ADAMTSL1: variants seen among roughly 807,000 people sequenced by gnomAD.
ADAMTSL1 encodes the protein ADAMTS-like protein 1.
A neutral mutation model predicts 201.8 loss-of-function variants in ADAMTSL1; 126 were observed. The ratio of observed to expected loss-of-function variants is 0.62; its 90% CI spans 0.54 to 0.72. The LOEUF (loss-of-function observed/expected upper bound fraction) is 0.72. ADAMTSL1 is among the 30% of genes least tolerant of loss of function. The probability of loss-of-function intolerance (pLI) is 0.00; values close to 1 mark genes in which losing one functional copy is unlikely to be tolerated. For missense variants in ADAMTSL1, 2,679 were observed against 2,277.8 expected, an observed-to-expected ratio of 1.18 and a Z score of -3.59; for synonymous variants, 1,121 against 903.4, an observed-to-expected ratio of 1.24 and a Z score of -4.32.
intron 2 of ADAMTSL1, among the ~76,000 whole-genome samples, chr9:18,443,406 G>T (rs1396756740): frequency 6.6e-6 from 1 of 152,168 alleles, no homozygotes; most frequent in East Asian, 1.9e-4. Flanking sequence ...AAATGTTAAA[G>T]AATTATCTGC....
intron 2 of ADAMTSL1, among the ~76,000 whole-genome samples, chr9:18,323,283 A>G (rs1210885101): frequency 6.6e-6 from 1 of 152,226 alleles, no homozygotes; most frequent in Non-Finnish European, 1.5e-5. Context: ...TTAACAAAAA[A>G]ACTATAGAAT....
At chr9:18,387,551 C>T (rs1248639087) in intron 2 of ADAMTSL1, among the ~76,000 whole-genome samples, 1 of 152,104 alleles carries the variant, frequency 6.6e-6, no homozygotes, top group Non-Finnish European at 1.5e-5. Context: ...AAAATTATTT[C>T]ACTTAGTATA....
chr9:18,136,185 A>C (rs1426639828), intron 1 of ADAMTSL1, among the ~76,000 whole-genome samples: 1 of 152,194 alleles, frequency 6.6e-6, no homozygotes, highest in African/African-American at 2.4e-5. Context: ...GCACATCAGA[A>C]TCATTTGGGA....
At chr9:18,115,454 C>T (rs562548729) in intron 1 of ADAMTSL1, among the ~76,000 whole-genome samples, 6 of 152,032 alleles carry the variant, frequency 3.9e-5, no homozygotes, top group Non-Finnish European at 5.9e-5. Flanking sequence ...AAATATTTAA[C>T]GGCTGCCAGC....
At chr9:17,978,195 G>A (rs1017180202) in intron 1 of ADAMTSL1, among the ~76,000 whole-genome samples, 2 of 151,928 alleles carry the variant, frequency 1.3e-5, no homozygotes, top group Non-Finnish European at 2.9e-5. Flanking sequence ...TGTCCTTAAA[G>A]CCGAAGTGAG....
intron 23 of ADAMTSL1, among the ~76,000 whole-genome samples, chr9:18,835,061 T>C (rs1207738215): frequency 6.6e-6 from 1 of 152,138 alleles, no homozygotes; most frequent in Non-Finnish European, 1.5e-5. Context: ...TCCAAAGTAG[T>C]TGTACTACTT....
At chr9:18,408,778 T>C (rs1404318222) in intron 2 of ADAMTSL1, among the ~76,000 whole-genome samples, 1 of 152,186 alleles carries the variant, frequency 6.6e-6, no homozygotes, top group Admixed American at 6.5e-5. Context: ...CAGGCATTTA[T>C]TGGACATAAA....
intron 26 of ADAMTSL1, among the ~76,000 whole-genome samples, chr9:18,895,433 TC>T (rs33933568): frequency 1.5e-4 from 11 of 73,154 alleles, no homozygotes; most frequent in African/African-American, 5.4e-4. Flanking sequence ...CCCCACCCCC[TC>T]CCCCCAATGT....
At chr9:18,129,595 T>A (rs1825867388) in intron 1 of ADAMTSL1, among the ~76,000 whole-genome samples, 1 of 152,162 alleles carries the variant, frequency 6.6e-6, no homozygotes. Context: ...CAATAAGACA[T>A]AAGAAGAGAT....
intron 5 of ADAMTSL1, among the ~76,000 whole-genome samples, chr9:18,629,560 A>G (rs1322396920): frequency 6.6e-6 from 1 of 152,162 alleles, no homozygotes; most frequent in Admixed American, 6.5e-5. Flanking sequence ...TGGTTTTTAA[A>G]TAACCAACTC....
chr9:18,697,176 C>A (rs940556678), intron 13 of ADAMTSL1, among the ~76,000 whole-genome samples: 1 of 152,090 alleles, frequency 6.6e-6, no homozygotes. Context: ...GCCACCGTGC[C>A]TGGCCAAAAA....
chr9:18,282,485 C>T (rs990628928), intron 2 of ADAMTSL1, among the ~76,000 whole-genome samples: 1 of 152,182 alleles, frequency 6.6e-6, no homozygotes, highest in Admixed American at 6.5e-5. Context: ...TTATATGACT[C>T]ATTTCTATTT....
intron 1 of ADAMTSL1, among the ~76,000 whole-genome samples, chr9:17,965,297 A>G (rs1817940237): frequency 1.3e-5 from 2 of 152,200 alleles, no homozygotes; most frequent in Admixed American, 6.5e-5. Context: ...TTACAAAAGA[A>G]GAAGAAATAT....
intron 1 of ADAMTSL1, among the ~76,000 whole-genome samples, chr9:17,981,015 T>A (rs1346693007): frequency 3.3e-5 from 5 of 152,130 alleles, no homozygotes. Flanking sequence ...ACTCACTCAT[T>A]GCCACGAGGA....
intron 20 of ADAMTSL1, among the ~76,000 whole-genome samples, chr9:18,803,542 G>T (rs1431069708): frequency 6.6e-6 from 1 of 152,140 alleles, no homozygotes; most frequent in Non-Finnish European, 1.5e-5. Flanking sequence ...ATCTTGGAAG[G>T]TCATTATTCC....
At chr9:18,131,154 C>G (rs376051196) in intron 1 of ADAMTSL1, among the ~76,000 whole-genome samples, 36 of 152,112 alleles carry the variant, frequency 2.4e-4, no homozygotes, top group Non-Finnish European at 5.1e-4. Context: ...TACCTAAAAA[C>G]TAAGTCTTGG....
At chr9:18,672,707 A>G (rs148400064) in intron 9 of ADAMTSL1, among the ~76,000 whole-genome samples, 212 of 152,354 alleles carry the variant, frequency 1.4e-3, no homozygotes, top group Admixed American at 2.3e-3. Context: ...AAATGACTCA[A>G]AAACCATTAT....
At chr9:18,082,642 C>G (rs1045552324) in intron 1 of ADAMTSL1, among the ~76,000 whole-genome samples, 3 of 152,156 alleles carry the variant, frequency 2.0e-5, no homozygotes, top group Admixed American at 2.0e-4. Context: ...GTCCATGAAT[C>G]CCTCTACCAC....
rs529913531 is a variant in ADAMTSL1, at chr9:18,647,762, T to C, written c.834+8351T>C. ...CTGTGGTCTGAGAGACAGTTTGTTATAATTTCTGTTCTTTTACATTTGCTG... is the reference window on the plus strand; with the variant it reads ...CTGTGGTCTGAGAGACAGTTTGTTACAATTTCTGTTCTTTTACATTTGCTG... On this transcript the variant is annotated intron_variant, in intron 7 of 28. Transcript: ENST00000380548. 2.3e-3 allele frequency among the ~76,000 whole-genome samples: 357 copies of C among 152,074 alleles called. 2 individuals carry two copies. The highest frequency in any genetic ancestry group is 7.9e-3 in the African/African-American group (327 of 41,414).
Sources: allele counts gnomAD v4.1 joint callset (sites outside exome capture counted in the v4.1 genomes callset), GRCh38; gene constraint gnomAD v4.1.1; transcripts MANE v1.5; gene names NCBI Gene and HGNC (gene_info 2026-07-23, HGNC 2026-07-21).